The following SIPA1L3 variants were observed in gnomAD, a reference collection of about 807,000 sequenced individuals.
SIPA1L3 encodes the protein signal-induced proliferation-associated 1-like protein 3.
A neutral mutation model predicts 150.1 loss-of-function variants in SIPA1L3; 59 were observed. The observed-to-expected ratio is 0.39, with a 90% CI of 0.32 to 0.49. The LOEUF (loss-of-function observed/expected upper bound fraction) is 0.49, where lower values mean the gene tolerates loss of function less well. Among genes scored for constraint, SIPA1L3 ranks in the 20% least tolerant of loss-of-function variants. The pLI is 0.86. For missense variants in SIPA1L3, 2,211 were observed against 2,489.5 expected (o/e 0.89, Z 2.38); for synonymous variants, 1,070 against 1,077.6 (o/e 0.99, Z 0.14).
chr19:37,926,193 T>C (rs2046502138), intron 1 of SIPA1L3, among the ~76,000 whole-genome samples: 1 of 152,146 alleles, frequency 6.6e-6, no homozygotes, highest in Non-Finnish European at 1.5e-5. Flanking sequence ...GCTGTGAGGG[T>C]TGGTAGTCCT....
At chr19:38,064,543 A>G (rs1969527328) in intron 2 of SIPA1L3, among the ~76,000 whole-genome samples, 1 of 152,174 alleles carries the variant, frequency 6.6e-6, no homozygotes, top group South Asian at 2.1e-4. Context: ...CTAAAAATAC[A>G]AAAATTAGCC....
Position 38,141,313 on chromosome 19 carries a change from C to T in SIPA1L3, c.3273C>T (p.Asn1091=). 6.2e-7 allele frequency: 1 copy of T among 1,614,042 alleles called. No homozygotes were observed. Among genetic ancestry groups the T allele is most frequent in the Non-Finnish European group, 8.5e-7 (1 of 1,179,984 alleles). ...PWQWSGPASH[N]SLPASKWATP... ...AGTGGAGCGGGCCCGCATCCCATAA[C>T]TCTCTACCAGCCTCCAAGTGGGCCA... The change falls in exon 11 of 22, where the codon AAC becomes AAT. Residue 1091 remains asparagine (N), a synonymous_variant. Coordinates refer to ENST00000222345, the MANE Select transcript of SIPA1L3 (RefSeq NM_015073.3).
At chr19:37,935,306 A>G (rs186278600) in intron 1 of SIPA1L3, among the ~76,000 whole-genome samples, 54 of 152,304 alleles carry the variant, frequency 3.5e-4, no homozygotes, top group Non-Finnish European at 5.9e-4. Context: ...CATATTAACA[A>G]TCTTGGTTGG....
intron 8 of SIPA1L3, among the ~76,000 whole-genome samples, chr19:38,113,962 G>A (rs574036292): frequency 6.6e-6 from 1 of 152,144 alleles, no homozygotes; most frequent in East Asian, 1.9e-4. Flanking sequence ...GCAGCCTGTG[G>A]ACTCTCAAAA....
rs145683108 is a variant in SIPA1L3 at position 38,075,029 on chromosome 19, C to T, written c.-310-6227C>T. Among the ~76,000 whole-genome samples the T allele has an allele frequency of 5.2e-3, 790 of 152,298 alleles. 3 individuals carry two copies. Among genetic ancestry groups the T allele is most frequent in the Middle Eastern group, 0.02 (6 of 294 alleles). On this transcript the variant is annotated intron_variant, in intron 2 of 21. Coordinates refer to ENST00000222345, the MANE Select transcript of SIPA1L3 (RefSeq NM_015073.3). ...TATTACAGGCATGAGCCACTGTGCCCGGCTTCATTGAGGTTTTTATTGTTA... is the reference window on the plus strand; with the variant it reads ...TATTACAGGCATGAGCCACTGTGCCTGGCTTCATTGAGGTTTTTATTGTTA...
chr19:37,947,470 CAG>C (rs967189992), intron 1 of SIPA1L3, among the ~76,000 whole-genome samples: 1 of 149,386 alleles, frequency 6.7e-6, no homozygotes, highest in South Asian at 2.1e-4. Context: ...GCCTGGGCGA[CAG>C]AGTGAGACTC....
rs565140148 is a variant in SIPA1L3 at position 37,951,735 on chromosome 19, A to G, written c.-379+44377A>G. ...AACACAGTGAAACCCCGTCTCTACT[A>G]AAATGCAAAAAATTAGCCGGGCATG... On this transcript the variant is annotated intron_variant, in intron 1 of 21. Transcript: ENST00000222345. 9.9e-5 allele frequency among the ~76,000 whole-genome samples: 15 copies of G among 151,928 alleles called. No individual in the cohort carries two copies. In the East Asian group the frequency reaches 2.9e-3, roughly 30 times the overall value.
intron 3 of SIPA1L3, among the ~76,000 whole-genome samples, 168 bp from the exon 4 acceptor site, chr19:38,088,553 A>G (rs1970191350): frequency 6.6e-6 from 1 of 152,112 alleles, no homozygotes; most frequent in Non-Finnish European, 1.5e-5. Context: ...TTTGCCTCTT[A>G]CAGTGTCTCC....
intron 1 of SIPA1L3, among the ~76,000 whole-genome samples, chr19:38,011,500 C>T (rs1341179294): frequency 1.3e-5 from 2 of 152,062 alleles, no homozygotes; most frequent in African/African-American, 4.8e-5. Flanking sequence ...AGCAGTCATG[C>T]TTACTGCTCT....
At chr19:38,190,677 T>A (rs908924644) in intron 16 of SIPA1L3, among the ~76,000 whole-genome samples, 7 of 152,250 alleles carry the variant, frequency 4.6e-5, no homozygotes, top group Non-Finnish European at 5.9e-5. Flanking sequence ...AAAGCTTTTA[T>A]TAAGCTAGTT....
At chr19:37,945,222 G>A (rs1217193806) in intron 1 of SIPA1L3, among the ~76,000 whole-genome samples, 1 of 151,822 alleles carries the variant, frequency 6.6e-6, no homozygotes, top group African/African-American at 2.4e-5. Context: ...GAGACTGTCT[G>A]TACTCATGTC....
chr19:37,929,495 A>G (rs2046534281), intron 1 of SIPA1L3, among the ~76,000 whole-genome samples: 1 of 152,240 alleles, frequency 6.6e-6, no homozygotes, highest in African/African-American at 2.4e-5. Context: ...CAGTACCACA[A>G]GAACTCTGAA....
At chr19:38,051,402 C>G (rs1969194795) in intron 2 of SIPA1L3, among the ~76,000 whole-genome samples, 1 of 152,096 alleles carries the variant, frequency 6.6e-6, no homozygotes, top group African/African-American at 2.4e-5. Flanking sequence ...AGTGGGGAGC[C>G]TCGTCCAAGA....
chr19:37,945,047 T>C (rs1052380456), intron 1 of SIPA1L3, among the ~76,000 whole-genome samples: 3 of 152,212 alleles, frequency 2.0e-5, no homozygotes, highest in African/African-American at 7.2e-5. Context: ...AACACCTGCA[T>C]TAGCTTATAG....
rs150605253 is a variant in SIPA1L3, at chr19:37,915,923, C to T, written c.-379+8565C>T. On this transcript the variant is annotated intron_variant, in intron 1 of 21. Coordinates refer to ENST00000222345, the MANE Select transcript of SIPA1L3 (RefSeq NM_015073.3). ...AAAATATTGGGTGGGCATGGTGGCTCAGGCTTGTAATCCCAGCACTTTGGG... is the reference window on the plus strand; with the variant it reads ...AAAATATTGGGTGGGCATGGTGGCTTAGGCTTGTAATCCCAGCACTTTGGG... Among the ~76,000 whole-genome samples the T allele has an allele frequency of 2.7e-4, 41 of 151,912 alleles. No individual in the cohort carries two copies. In the East Asian group the frequency reaches 6.6e-3, roughly 24 times the overall value.
chr19:38,145,630 G>A (rs1357551785), intron 12 of SIPA1L3, among the ~76,000 whole-genome samples: 1 of 151,644 alleles, frequency 6.6e-6, no homozygotes, highest in Non-Finnish European at 1.5e-5. Flanking sequence ...TGGTTATAAC[G>A]CAATATCAAA....
At chr19:37,988,558 C>T (rs1180772104) in intron 1 of SIPA1L3, among the ~76,000 whole-genome samples, 4 of 152,056 alleles carry the variant, frequency 2.6e-5, no homozygotes, top group African/African-American at 9.7e-5. Context: ...CACCTGTAAT[C>T]CTAGCTACTC....
chr19:37,947,467 C>T (rs1025097116), intron 1 of SIPA1L3, among the ~76,000 whole-genome samples: 2 of 150,264 alleles, frequency 1.3e-5, no homozygotes, highest in East Asian at 2.0e-4. Flanking sequence ...CCAGCCTGGG[C>T]GACAGAGTGA....
At position 38,112,125 on chromosome 19, in the gene SIPA1L3, A is replaced by T. The variant is rs537313516; in HGVS notation, c.2291+1741A>T. Among the ~76,000 whole-genome samples, 14 of 145,244 alleles carry T rather than the reference A, an allele frequency of 9.6e-5. 1 individual carries two copies. The South Asian group carries it at 1.8e-3, about 18-fold the overall frequency. On this transcript the variant is annotated intron_variant, in intron 8 of 21. Coordinates refer to ENST00000222345, the MANE Select transcript of SIPA1L3 (RefSeq NM_015073.3). ...CATGCACACACATACATGCACACAC[A>T]TACAGGTACACACCTGCACACAGGC...
Sources: gnomAD v4.1 joint callset for allele counts (sites outside exome capture counted in the v4.1 genomes callset) on GRCh38, gnomAD v4.1.1 for gene constraint, MANE v1.5 for transcripts, NCBI Gene and HGNC (gene_info 2026-07-23, HGNC 2026-07-21) for gene names.